Variants in ZAN observed in about 807,000 individuals in gnomAD.
The protein encoded by ZAN is zonadhesin, also known as zonadhesin (gene/pseudogene).
Under a neutral mutation model 286.2 loss-of-function variants are expected in ZAN, and 260 were observed. The ratio of observed to expected loss-of-function variants is 0.91; its 90% CI spans 0.82 to 1.01. The LOEUF (loss-of-function observed/expected upper bound fraction) is 1.01, where lower values mean the gene tolerates loss of function less well. ZAN is among the 50% of genes least tolerant of loss of function. The probability of loss-of-function intolerance (pLI) is 0.00; values close to 1 mark genes in which losing one functional copy is unlikely to be tolerated. For synonymous variants in ZAN, 1,368 were observed against 1,417.5 expected, an observed-to-expected ratio of 0.97 and a Z score of 0.79; for missense variants, 3,410 against 3,639.2, an observed-to-expected ratio of 0.94 and a Z score of 1.62.
chr7:100,754,583 A>C (rs553641811), intron 14 of ZAN, among the ~76,000 whole-genome samples: 3 of 149,842 alleles, frequency 2.0e-5, no homozygotes, highest in African/African-American at 2.5e-5. Flanking sequence ...GGCTCACTGC[A>C]ACCTCTGCCT....
intron 45 of ZAN, among the ~76,000 whole-genome samples, chr7:100,797,020 C>T (rs557887231): frequency 3.9e-5 from 6 of 152,114 alleles, no homozygotes; most frequent in Admixed American, 1.3e-4. Flanking sequence ...GCCCATAGTC[C>T]CAGCTACTTG....
chr7:100,758,678 TG>T (rs765291252), intron 17 of ZAN, 28 bp downstream of exon 17: 3 of 1,547,540 alleles, frequency 1.9e-6, no homozygotes, highest in South Asian at 1.2e-5. Context: ...CACTGCGGCC[TG>T]GGGGGAGGGT....
Position 100,767,853 on chromosome 7 carries a change from T to C in ZAN, c.4883T>C (p.Leu1628Pro). The C allele has an allele frequency of 1.2e-6, 2 of 1,613,820 alleles. No homozygotes were observed. The highest frequency in any genetic ancestry group is 1.1e-5 in the South Asian group (1 of 91,050). ...CAGCTGAATGGCCATCGGGTGGCCC[T>C]ACCTGTGTGGCTTGCACAAGGCCGG... ...KVMLNGHRVA[L>P]PVWLAQGRVT... The change falls in exon 26 of 48, where the codon CTA (leucine) becomes CCA (proline). Residue 1628 changes from leucine to proline, a missense_variant. Around this residue, in one of 7 missense-constraint regions of ZAN, gnomAD observed 1,042 missense variants for 1,058.0 expected, o/e 0.98. Coordinates refer to ENST00000613979, the MANE Select transcript of ZAN (RefSeq NM_003386.3).
At chr7:100,750,496 A>G (rs980510786) in intron 11 of ZAN, 129 bp from the exon 12 acceptor site, 3 of 1,173,114 alleles carry the variant, frequency 2.6e-6, no homozygotes, top group Non-Finnish European at 3.5e-6. Flanking sequence ...AGCAGAAAAA[A>G]TAATGCTACG....
intron 42 of ZAN, among the ~76,000 whole-genome samples, chr7:100,793,014 G>GAA (rs1812103529): frequency 1.8e-5 from 2 of 108,148 alleles, no homozygotes; most frequent in Non-Finnish European, 4.3e-5. Flanking sequence ...AAGAAAGAAA[G>GAA]AACGAAAAAA....
At chr7:100,749,711 T>TAC (rs200634433) in intron 11 of ZAN, among the ~76,000 whole-genome samples, 14 of 128,978 alleles carry the variant, frequency 1.1e-4, no homozygotes, top group South Asian at 2.5e-4. Context: ...CATATATATA[T>TAC]ACACACACAC....
In ZAN at chr7:100,797,428, G is replaced by A. The variant is rs1054763836; in HGVS notation, c.8329G>A (p.Val2777Met). 11 of 1,613,804 alleles carry A rather than the reference G, an allele frequency of 6.8e-6. No homozygotes were observed. Among genetic ancestry groups the A allele is most frequent in the South Asian group, 3.3e-5 (3 of 91,090 alleles). ...GCCTGTGGTGGTCGTACTACTGGCCGTGACCAGAGAGTGCATTTACAGAAC... is the reference window on the plus strand; with the variant it reads ...GCCTGTGGTGGTCGTACTACTGGCCATGACCAGAGAGTGCATTTACAGAAC... ...LVPVVVVLLA[V>M]TRECIYRTRR... Residue 2777 changes from valine to methionine, a missense_variant, in exon 46 of 48, where the codon GTG becomes ATG. Physicochemically the swap from Val to Met is conservative, Grantham distance 21. This residue lies in a region of ZAN where 1,289 missense variants were observed against 1,314.3 expected (regional missense o/e 0.98). Coordinates refer to ENST00000613979, the MANE Select transcript of ZAN (RefSeq NM_003386.3).
chr7:100,772,859 GTTTTTTTTTTGTTTGTTTT>G (rs1810472426), intron 29 of ZAN, among the ~76,000 whole-genome samples: 1 of 130,542 alleles, frequency 7.7e-6, no homozygotes, highest in African/African-American at 2.8e-5. Flanking sequence ...TTTTATGTCT[GTTTTTTTTTTGTTTGTTTT>G]TTTTTTTTTT....
intron 44 of ZAN, 138 bp downstream of exon 44, chr7:100,794,396 C>G: frequency 2.9e-6 from 4 of 1,389,944 alleles, no homozygotes; most frequent in Non-Finnish European, 3.8e-6. Context: ...TAGGGAGGGA[C>G]AAAGGACAAA....
intron 35 of ZAN, among the ~76,000 whole-genome samples, chr7:100,783,791 T>TATATATATACACAC (rs1554409791): frequency 2.0e-4 from 3 of 14,924 alleles, no homozygotes; most frequent in African/African-American, 3.7e-4. Flanking sequence ...TATACACATA[T>TATATATATACACAC]ATATATATAC....
chr7:100,779,451 A>G lies in ZAN; in HGVS notation c.6323A>G (p.Gln2108Arg). 6.2e-7 allele frequency: 1 copy of G among 1,601,564 alleles called. No homozygotes were observed. Among genetic ancestry groups the G allele is most frequent in the Non-Finnish European group, 8.5e-7 (1 of 1,172,516 alleles). The change falls in exon 35 of 48, where the codon CAG becomes CGG. Residue 2108 changes from glutamine to arginine, a missense_variant. By Grantham distance (43) the Gln-to-Arg change is conservative. This residue lies in a region of ZAN where 1,289 missense variants were observed against 1,314.3 expected (regional missense o/e 0.98). Coordinates refer to ENST00000613979, the MANE Select transcript of ZAN (RefSeq NM_003386.3). ...TGATTCTTTTCCCTTCCCAGTTGTC[A>G]GAGTCTCCTGGTAGATGAGCAGCAG... The part of the protein sequence containing the change: ...WKDKDIDPSC[Q>R]SLLVDEQQIP...
In ZAN at chr7:100,793,973, TC is replaced by T. The variant is rs1437952148; in HGVS notation, c.7945del (p.Leu2649TrpfsTer20). 1 of 1,613,526 alleles carries T rather than the reference TC, an allele frequency of 6.2e-7. No individual in the cohort carries two copies. Among genetic ancestry groups the T allele is most frequent in the African/African-American group, 1.3e-5 (1 of 74,882 alleles). On this transcript the variant is annotated frameshift_variant, in exon 43 of 48. Transcript: ENST00000613979. LOFTEE classifies it high-confidence loss of function. ...TATGCCTACAGTGGCACCCAGAGCC[TC>T]CCCTGGCTGACTGTGGCTGCACCAG... is the stretch of plus-strand genomic sequence containing the variant. ...RLCLQWHPEP[P>X]LADCGCTSNG...
intron 15 of ZAN, among the ~76,000 whole-genome samples, chr7:100,757,693 T>G (rs1372019562): frequency 2.0e-5 from 3 of 146,510 alleles, no homozygotes; most frequent in African/African-American, 7.6e-5. Context: ...AGGCGGAGGT[T>G]GCAGTGAGCC....
rs1423165876 is a variant in ZAN at position 100,775,530 on chromosome 7, C to T, written c.5982C>T (p.Asp1994=). 1.9e-6 allele frequency: 3 copies of T among 1,613,826 alleles called. No homozygotes were observed. Among genetic ancestry groups the T allele is most frequent in the African/African-American group, 1.3e-5 (1 of 74,926 alleles). ...EAFRLHEVYI[D]IYDAQVTLQK... ...TCCGCCTTCATGAGGTCTACATTGA[C>T]ATCTACGATGCCCAGGTCACCCTGC... The change falls in exon 32 of 48, where the codon GAC becomes GAT. Residue 1994 remains aspartate, a synonymous_variant. Transcript: ENST00000613979.
At chr7:100,758,415 C>T in intron 16 of ZAN, 72 bp downstream of exon 16, 2 of 1,590,770 alleles carry the variant, frequency 1.3e-6, no homozygotes, top group Non-Finnish European at 1.7e-6. Flanking sequence ...GATCCCAATC[C>T]CTCGCTTGAG....
chr7:100,791,184 C>T, intron 40 of ZAN, 71 bp downstream of exon 40: 1 of 1,535,342 alleles, frequency 6.5e-7, no homozygotes, highest in Non-Finnish European at 8.7e-7. Flanking sequence ...CGCTAGCCCT[C>T]CTGTCCTCAG....
intron 39 of ZAN, among the ~76,000 whole-genome samples, chr7:100,790,721 A>G (rs1303255462): frequency 3.3e-5 from 5 of 151,674 alleles, no homozygotes; most frequent in Non-Finnish European, 5.9e-5. Flanking sequence ...TGTCTCTACT[A>G]AAAATACAAA....
At position 100,794,224 on chromosome 7, in the gene ZAN, C is replaced by T; in HGVS notation, c.8091C>T (p.Cys2697=). 1.2e-6 allele frequency: 2 copies of T among 1,612,198 alleles called. No individual in the cohort carries two copies. The highest frequency in any genetic ancestry group is 2.2e-5 in the South Asian group (2 of 90,870). Residue 2697 remains cysteine, a synonymous_variant, in exon 44 of 48, where the codon TGC becomes TGT. Transcript: ENST00000613979. ...TCAGCTGCAGAGCGGGGGAGGTCTG[C>T]ACCCTGGGGAACCACACCCAAGGCT... is the stretch of plus-strand genomic sequence containing the variant. The part of the protein sequence containing the change: ...EPFSCRAGEV[C]TLGNHTQGCF...
In ZAN at chr7:100,748,467, G is replaced by A; in HGVS notation, c.1246G>A (p.Ala416Thr). The change falls in exon 11 of 48, where the codon GCA becomes ACA. Residue 416 changes from alanine to threonine, a missense_variant. By Grantham distance (58) the Ala-to-Thr change is moderately conservative. This residue lies in a region of ZAN where 872 missense variants were observed against 938.9 expected (regional missense o/e 0.93). Coordinates refer to ENST00000613979, the MANE Select transcript of ZAN (RefSeq NM_003386.3). ...GMGPAGGFPN[A>T]GGHYIYLEAD... Reference sequence around the variant, plus strand: ...GGGCCCTGCGGGAGGTTTCCCTAATGCAGGTGAGGAGATTGAGGAGCGCTC... The same window carrying A: ...GGGCCCTGCGGGAGGTTTCCCTAATACAGGTGAGGAGATTGAGGAGCGCTC... 6.2e-7 allele frequency: 1 copy of A among 1,610,938 alleles called. No homozygotes were observed. The highest frequency in any genetic ancestry group is 8.5e-7 in the Non-Finnish European group (1 of 1,178,608).
Sources: gnomAD v4.1 joint callset for allele counts (sites outside exome capture counted in the v4.1 genomes callset) on GRCh38, gnomAD v4.1.1 for gene constraint, gnomAD v4.1.1 regional missense constraint, MANE v1.5 for transcripts, NCBI Gene and HGNC (gene_info 2026-07-23, HGNC 2026-07-21) for gene names.